ZNF678: variants seen among roughly 807,000 people sequenced by gnomAD.
ZNF678 encodes hypothetical protein MGC42493.
In ZNF678, 5 loss-of-function variants were observed where a neutral mutation model predicts 3.0. The observed-to-expected ratio is 1.69, with a 90% confidence interval of 0.88 to 3.56. The LOEUF is 3.56. ZNF678 is among the 30% of genes most tolerant of loss of function. ZNF678 has a pLI of 0.00. For synonymous variants in ZNF678, 218 were observed against 199.6 expected (o/e 1.09, Z -0.78); for missense variants, 593 against 605.0 (o/e 0.98, Z 0.21).
At position 227,656,291 on chromosome 1, in the gene ZNF678, T is replaced by TTC. The variant is rs1659247723; in HGVS notation, c.*463_*464insTC. ...GATGTTACTTTAAAGCAGTGTTGATTGTCGAGAATAATTCAAAGTTAAAAT... is the reference window on the plus strand; with the variant it reads ...GATGTTACTTTAAAGCAGTGTTGATTTCGTCGAGAATAATTCAAAGTTAAAAT... On this transcript the variant is annotated 3_prime_UTR_variant, in exon 4 of 4. Coordinates refer to ENST00000343776, the MANE Select transcript of ZNF678 (RefSeq NM_001367909.1). 1.3e-5 allele frequency: 2 copies of TTC among 152,074 alleles called. No individual in the cohort carries two copies. Among genetic ancestry groups the TTC allele is most frequent in the South Asian group, 4.1e-4 (2 of 4,836 alleles). The allele number at this position is 152,074 out of a possible 1,614,324, so 9.4% of individuals were successfully genotyped here.
intron 1 of ZNF678, among the ~76,000 whole-genome samples, chr1:227,617,943 C>T (rs1313343006): frequency 6.6e-6 from 1 of 152,104 alleles, no homozygotes; most frequent in East Asian, 1.9e-4. Flanking sequence ...GAGTCATGAA[C>T]AAAGTGGCCA....
chr1:227,613,129 CCTT>C (rs1300344067), intron 1 of ZNF678, among the ~76,000 whole-genome samples: 13 of 152,172 alleles, frequency 8.5e-5, no homozygotes, highest in African/African-American at 3.1e-4. Context: ...CCTTTGGACT[CCTT>C]CTTGTCACCA....
chr1:227,624,677 A>G (rs560080866), intron 1 of ZNF678, among the ~76,000 whole-genome samples: 1 of 152,230 alleles, frequency 6.6e-6, no homozygotes, highest in African/African-American at 2.4e-5. Context: ...ATTAGAAGCC[A>G]TGGGTCACAG....
intron 1 of ZNF678, among the ~76,000 whole-genome samples, chr1:227,612,890 G>C (rs1658054732): frequency 6.6e-6 from 1 of 152,140 alleles, no homozygotes; most frequent in Non-Finnish European, 1.5e-5. Flanking sequence ...CTTTGTTGTT[G>C]ATTAGCAGCC....
intron 1 of ZNF678, among the ~76,000 whole-genome samples, chr1:227,612,404 T>C (rs949637474): frequency 6.6e-6 from 1 of 152,172 alleles, no homozygotes; most frequent in Non-Finnish European, 1.5e-5. Context: ...TCAGTGGTGG[T>C]CACAAACTGG....
At chr1:227,601,446 G>A (rs974201583) in intron 1 of ZNF678, among the ~76,000 whole-genome samples, 15 of 149,314 alleles carry the variant, frequency 1.0e-4, no homozygotes, top group Non-Finnish European at 1.8e-4. Context: ...AGAGCTCTTT[G>A]ACCTTCTTGG....
rs370729845 is a variant in ZNF678 at position 227,655,503 on chromosome 1, C to G, written c.1253C>G (p.Ser418Cys). 6 of 1,612,388 alleles carry G rather than the reference C, an allele frequency of 3.7e-6. No individual in the cohort carries two copies. Among genetic ancestry groups the G allele is most frequent in the Non-Finnish European group, 5.1e-6 (6 of 1,179,360 alleles). ...EECGKVFKQCSHLTSHKRIHT... is the reference protein window; with the variant it reads ...EECGKVFKQCCHLTSHKRIHT... ...TGTGGGAAAGTTTTTAAACAGTGCTCTCACCTAACTAGCCATAAGAGAATT... is the reference window on the plus strand; with the variant it reads ...TGTGGGAAAGTTTTTAAACAGTGCTGTCACCTAACTAGCCATAAGAGAATT... Residue 418 changes from serine (S) to cysteine (C), a missense_variant, in exon 4 of 4, where the codon TCT (serine) becomes TGT (cysteine). Coordinates refer to ENST00000343776, the MANE Select transcript of ZNF678 (RefSeq NM_001367909.1).
At chr1:227,654,270 A>G (rs1342284967) in intron 3 of ZNF678, 66 bp from the exon 4 acceptor site, 6 of 1,182,584 alleles carry the variant, frequency 5.1e-6, no homozygotes, top group Middle Eastern at 2.9e-4. Context: ...TATATTTATT[A>G]GATTTGTAAA....
chr1:227,571,432 C>T (rs1656838232), intron 1 of ZNF678, among the ~76,000 whole-genome samples: 1 of 152,164 alleles, frequency 6.6e-6, no homozygotes, highest in South Asian at 2.1e-4. Flanking sequence ...GGTTCCTTGA[C>T]ATCGGTTTAT....
At chr1:227,676,055 T>A (rs1407181594) in intron 5 of ZNF678, among the ~76,000 whole-genome samples, 1 of 152,218 alleles carries the variant, frequency 6.6e-6, no homozygotes, top group Non-Finnish European at 1.5e-5. Flanking sequence ...AAATAATCTA[T>A]CTTTGACAAA....
chr1:227,645,490 T>A (rs568816747), intron 1 of ZNF678, among the ~76,000 whole-genome samples: 32 of 152,258 alleles, frequency 2.1e-4, no homozygotes, highest in Non-Finnish European at 4.3e-4. Context: ...GAAAAATATT[T>A]CTTTCCTATA....
At chr1:227,592,745 T>C (rs185906468) in intron 1 of ZNF678, among the ~76,000 whole-genome samples, 17 of 152,344 alleles carry the variant, frequency 1.1e-4, no homozygotes, top group Admixed American at 2.0e-4. Flanking sequence ...TTGAAAGACC[T>C]ATAAGGGGCT....
chr1:227,625,324 G>A (rs982898021), intron 1 of ZNF678, among the ~76,000 whole-genome samples: 3 of 152,066 alleles, frequency 2.0e-5, no homozygotes, highest in Non-Finnish European at 4.4e-5. Context: ...GAGGTTGGCC[G>A]ACGATCGCTC....
chr1:227,631,780 C>T (rs1241247539), intron 1 of ZNF678, among the ~76,000 whole-genome samples: 8 of 152,154 alleles, frequency 5.3e-5, no homozygotes, highest in African/African-American at 1.2e-4. Flanking sequence ...AACTTCTGGG[C>T]GCCATGTTGT....
At chr1:227,672,753 A>G (rs1659622188) in intron 5 of ZNF678, among the ~76,000 whole-genome samples, 2 of 151,934 alleles carry the variant, frequency 1.3e-5, no homozygotes, top group South Asian at 2.1e-4. Flanking sequence ...TCTGTGCTCT[A>G]CCTCACAGGA....
chr1:227,602,742 A>C (rs1165630092), intron 1 of ZNF678, among the ~76,000 whole-genome samples: 2 of 152,188 alleles, frequency 1.3e-5, no homozygotes, highest in East Asian at 3.9e-4. Context: ...CAAAAATATC[A>C]GTTTGAATAT....
chr1:227,648,188 T>C (rs1659002762), intron 2 of ZNF678, among the ~76,000 whole-genome samples: 1 of 152,170 alleles, frequency 6.6e-6, no homozygotes, highest in Non-Finnish European at 1.5e-5. Flanking sequence ...AAAATACTAT[T>C]TTATTAGGGA....
chr1:227,587,990 G>GC (rs1370108373), intron 1 of ZNF678, among the ~76,000 whole-genome samples: 1 of 151,564 alleles, frequency 6.6e-6, no homozygotes, highest in Non-Finnish European at 1.5e-5. Flanking sequence ...CCTCCCCCCA[G>GC]CCCCCCAACA....
chr1:227,628,239 A>G (rs1470797118), intron 1 of ZNF678, among the ~76,000 whole-genome samples: 2 of 152,200 alleles, frequency 1.3e-5, no homozygotes, highest in Non-Finnish European at 2.9e-5. Flanking sequence ...CAGGTATGCC[A>G]TGTGTTGTAA....
Sources: gnomAD v4.1 joint callset for allele counts (sites outside exome capture counted in the v4.1 genomes callset) on GRCh38, gnomAD v4.1.1 for gene constraint, MANE v1.5 for transcripts, NCBI Gene and HGNC (gene_info 2026-07-23, HGNC 2026-07-21) for gene names.